UACA: variants seen among roughly 807,000 people sequenced by gnomAD.
UACA encodes uveal autoantigen with coiled-coil domains and ankyrin repeats.
In UACA, 112 loss-of-function variants were observed where a neutral mutation model predicts 160.5. That is an observed-to-expected ratio of 0.70 (90% CI 0.60 to 0.82). UACA has a LOEUF of 0.82. UACA is among the 40% of genes least tolerant of loss of function. The pLI is 0.00. For synonymous variants in UACA, 557 were observed against 568.4 expected (o/e 0.98, Z 0.29); for missense variants, 1,574 against 1,614.6 (o/e 0.97, Z 0.43).
At chr15:70,709,512 A>G (rs552002827) in intron 1 of UACA, among the ~76,000 whole-genome samples, 1 of 152,336 alleles carries the variant, frequency 6.6e-6, no homozygotes, top group Admixed American at 6.5e-5. Context: ...TTGAATTTGA[A>G]AAGTAATGTA....
intron 1 of UACA, among the ~76,000 whole-genome samples, chr15:70,710,891 T>G (rs1267028137): frequency 1.3e-5 from 2 of 152,212 alleles, no homozygotes; most frequent in Non-Finnish European, 2.9e-5. Flanking sequence ...TGCATAGGCA[T>G]GACTTTTTAC....
chr15:70,671,316 T>G (rs1897132459), intron 14 of UACA: 4 of 318,808 alleles, frequency 1.3e-5, no homozygotes. Context: ...TTTTTTTTTC[T>G]TATTTTTTTC....
At chr15:70,723,996 T>C (rs1899073532) in intron 1 of UACA, among the ~76,000 whole-genome samples, 1 of 152,220 alleles carries the variant, frequency 6.6e-6, no homozygotes, top group Admixed American at 6.5e-5. Flanking sequence ...CTGTTATATA[T>C]TCTGGTATAT....
chr15:70,666,821 T>G lies in UACA; in HGVS notation c.3863A>C (p.Asp1288Ala), dbSNP rs1392927393. ...LHFSIEQEIK[D>A]QKERCDKSLT... Reference sequence around the variant, plus strand: ...GGACTTATCACATCGTTCCTTCTGATCCTTAATTTCTTGCTCAATGCTGAA... The same window carrying G: ...GGACTTATCACATCGTTCCTTCTGAGCCTTAATTTCTTGCTCAATGCTGAA... Residue 1288 changes from aspartate (D) to alanine (A), a missense_variant, in exon 16 of 19, where the codon GAT becomes GCT. By Grantham distance (126) the Asp-to-Ala change is moderately radical. Transcript: ENST00000322954. 6.2e-7 allele frequency: 1 copy of G among 1,613,874 alleles called. No individual in the cohort carries two copies. Among genetic ancestry groups the G allele is most frequent in the Non-Finnish European group, 8.5e-7 (1 of 1,179,940 alleles).
intron 1 of UACA, among the ~76,000 whole-genome samples, chr15:70,700,318 TACACACACAC>T (rs34361847): frequency 3.4e-4 from 47 of 139,822 alleles, no homozygotes; most frequent in Non-Finnish European, 5.9e-4. Flanking sequence ...TATATATATA[TACACACACAC>T]ACACACACAC....
intron 16 of UACA, among the ~76,000 whole-genome samples, chr15:70,665,586 A>C (rs1896875412): frequency 6.6e-6 from 1 of 152,116 alleles, no homozygotes; most frequent in Non-Finnish European, 1.5e-5. Flanking sequence ...TCCCCCACAA[A>C]ATTTTTTATT....
intron 5 of UACA, among the ~76,000 whole-genome samples, chr15:70,689,067 CTTCCAAGTCTGAG>C (rs1379101360): frequency 6.6e-6 from 1 of 152,146 alleles, no homozygotes; most frequent in Non-Finnish European, 1.5e-5. Context: ...TAATCTACTA[CTTCCAAGTCTGAG>C]TTCCAGACTT....
At chr15:70,713,238 C>T (rs890618010) in intron 1 of UACA, among the ~76,000 whole-genome samples, 3 of 152,268 alleles carry the variant, frequency 2.0e-5, no homozygotes, top group African/African-American at 7.2e-5. Flanking sequence ...GTAGTCCCAG[C>T]TACTCGGGAG....
chr15:70,747,738 C>A (rs752331978), intron 1 of UACA, among the ~76,000 whole-genome samples: 3 of 152,148 alleles, frequency 2.0e-5, no homozygotes, highest in Non-Finnish European at 4.4e-5. Flanking sequence ...AATTTTCTGA[C>A]ATCCTGTCAT....
rs1241729587 is a variant in UACA at position 70,654,734 on chromosome 15, A to G, written c.*2322T>C. On this transcript the variant is annotated 3_prime_UTR_variant, in exon 19 of 19. Transcript: ENST00000322954. The stretch of plus-strand genomic sequence containing the variant: ...AATAGGAATTGAGTGATTCTCTCAG[A>G]GAGCACTCATTACATCTTAGACAAC... 1 of 152,016 alleles carries G rather than the reference A, an allele frequency of 6.6e-6. No homozygotes were observed. The highest frequency in any genetic ancestry group is 1.9e-4 in the East Asian group (1 of 5,188). The allele number at this position is 152,016 out of a possible 1,614,324, so 9.4% of individuals were successfully genotyped here.
intron 1 of UACA, among the ~76,000 whole-genome samples, chr15:70,759,742 G>A (rs2030637929): frequency 6.6e-6 from 1 of 152,176 alleles, no homozygotes; most frequent in Non-Finnish European, 1.5e-5. Context: ...AGATTTGCTA[G>A]TAAAGGACTA....
chr15:70,668,089 A>G lies in UACA; in HGVS notation c.2595T>C (p.His865=), dbSNP rs1896996274. 6.2e-7 allele frequency: 1 copy of G among 1,613,532 alleles called. No homozygotes were observed. Residue 865 remains histidine, a synonymous_variant, in exon 16 of 19, where the codon CAT becomes CAC. Coordinates refer to ENST00000322954, the MANE Select transcript of UACA (RefSeq NM_018003.4). ...CATTCAGTGTCATTTTAACCTCTTC[A>G]TGGGTTTTAACTGGCACATACTGAT... is the stretch of plus-strand genomic sequence containing the variant. The part of the protein sequence containing the change: ...MSNQYVPVKT[H]EEVKMTLNDT...
chr15:70,670,443 C>A (rs1022525968), intron 15 of UACA, among the ~76,000 whole-genome samples: 1 of 152,114 alleles, frequency 6.6e-6, no homozygotes, highest in Non-Finnish European at 1.5e-5. Flanking sequence ...TCTCTCAAGC[C>A]GCCCACTTGG....
Position 70,756,896 on chromosome 15 carries a change from G to A in UACA, c.78+6434C>T, listed in dbSNP as rs74985844. On this transcript the variant is annotated intron_variant, in intron 1 of 18. Coordinates refer to ENST00000322954, the MANE Select transcript of UACA (RefSeq NM_018003.4). ...TCCAAAAAATAAAATGAAGGATAAAGACTCTTTATAAACACAGCCACATTA... is the reference window on the plus strand; with the variant it reads ...TCCAAAAAATAAAATGAAGGATAAAAACTCTTTATAAACACAGCCACATTA... Among the ~76,000 whole-genome samples, 1,427 of 152,224 alleles carry A rather than the reference G, an allele frequency of 9.4e-3. 25 individuals are homozygous for A. Among genetic ancestry groups the A allele is most frequent in the African/African-American group, 0.033 (1,382 of 41,542 alleles).
chr15:70,744,821 A>AGTCAGGAT (rs58188468), intron 1 of UACA, among the ~76,000 whole-genome samples: 27,807 of 151,970 alleles, frequency 0.18, 3,921 homozygotes, highest in African/African-American at 0.4. Context: ...CAGCAAAATT[A>AGTCAGGAT]GTCAGGATTC....
intron 16 of UACA, among the ~76,000 whole-genome samples, chr15:70,665,235 TTTTCC>T (rs1217610172): frequency 1.3e-5 from 2 of 152,140 alleles, no homozygotes; most frequent in South Asian, 2.1e-4. Flanking sequence ...ATATGTTCCT[TTTTCC>T]TTTCAAGAGT....
chr15:70,689,613 CAGA>C (rs1328412910), intron 5 of UACA, among the ~76,000 whole-genome samples: 1 of 152,104 alleles, frequency 6.6e-6, no homozygotes, highest in East Asian at 1.9e-4. Flanking sequence ...GTCTTCAGTG[CAGA>C]CCACCTTAAT....
chr15:70,757,734 T>C (rs1009915756), intron 1 of UACA, among the ~76,000 whole-genome samples: 11 of 152,004 alleles, frequency 7.2e-5, no homozygotes, highest in Non-Finnish European at 1.2e-4. Flanking sequence ...TACAAACTCA[T>C]GGATTTAAGG....
chr15:70,718,314 G>C (rs972004687), intron 1 of UACA, among the ~76,000 whole-genome samples: 12 of 140,298 alleles, frequency 8.6e-5, no homozygotes, highest in African/African-American at 3.2e-4. Context: ...GAGAGGGAGA[G>C]AGAGAGAGAA....
Sources: gnomAD v4.1 joint callset for allele counts (sites outside exome capture counted in the v4.1 genomes callset) on GRCh38, gnomAD v4.1.1 for gene constraint, MANE v1.5 for transcripts, NCBI Gene and HGNC (gene_info 2026-07-23, HGNC 2026-07-21) for gene names.